The following NME9 variants were observed in gnomAD, a reference collection of about 807,000 sequenced individuals.
The protein encoded by NME9 is NME/NM23 family member 9.
A neutral mutation model predicts 44.4 loss-of-function variants in NME9; 48 were observed. The observed-to-expected ratio is 1.08, with a 90% CI of 0.86 to 1.37. The LOEUF (loss-of-function observed/expected upper bound fraction) is 1.37, where lower values mean the gene tolerates loss of function less well. Among genes scored for constraint, NME9 ranks in the 40% most tolerant of loss-of-function variants. The pLI is 0.00. For missense variants in NME9, 325 were observed against 405.2 expected (o/e 0.80, Z 1.70); for synonymous variants, 139 against 147.1 (o/e 0.94, Z 0.40).
chr3:138,308,017 G>GA (rs2052403237), intron 6 of NME9, among the ~76,000 whole-genome samples: 1 of 152,160 alleles, frequency 6.6e-6, no homozygotes. Context: ...GTGGACAAAG[G>GA]AAGCTTGGCT....
chr3:138,288,598 C>T (rs577101111), intron 8 of NME9, among the ~76,000 whole-genome samples: 9 of 152,138 alleles, frequency 5.9e-5, no homozygotes, highest in Non-Finnish European at 8.8e-5. Flanking sequence ...ACTTCATGGC[C>T]CCTCAAGACA....
intron 2 of NME9, among the ~76,000 whole-genome samples, chr3:138,321,223 G>A (rs1223067794): frequency 6.6e-6 from 1 of 152,170 alleles, no homozygotes; most frequent in Non-Finnish European, 1.5e-5. Context: ...CTGCTATAAT[G>A]GGACACTACA....
At chr3:138,295,724 C>T (rs2051423973) in intron 8 of NME9, 1 of 835,988 alleles carries the variant, frequency 1.2e-6, no homozygotes, top group Admixed American at 2.5e-5. Context: ...AAGGTAGGTG[C>T]CCACCTGGGC....
chr3:138,288,937 C>A, intron 8 of NME9: 1 of 831,426 alleles, frequency 1.2e-6, no homozygotes, highest in Non-Finnish European at 1.9e-6. Context: ...TCACCTGGCC[C>A]TGCTTCAGAC....
chr3:138,298,236 T>A (rs1223668886), downstream of NME9: 1 of 152,246 alleles, frequency 6.6e-6, no homozygotes, highest in Non-Finnish European at 1.5e-5. Flanking sequence ...CCAAAATTTA[T>A]GAACTAGAAA....
chr3:138,303,562 C>T lies in NME9; in HGVS notation c.873G>A (p.Leu291=). 1 of 1,613,632 alleles carries T rather than the reference C, an allele frequency of 6.2e-7. No homozygotes were observed. Among genetic ancestry groups the T allele is most frequent in the Non-Finnish European group, 8.5e-7 (1 of 1,179,496 alleles). The part of the protein sequence containing the change: ...SRDREDADRE[L]ALLFPSLKFS... ...ATTTCAAACTGGGGAAGAGCAATGC[C>T]AGTTCTCTGTCAGCATCTTCTCTGT... is the stretch of plus-strand genomic sequence containing the variant. The change falls in exon 10 of 11, where the codon CTG becomes CTA. Residue 291 remains leucine (L), a synonymous_variant. Coordinates refer to ENST00000333911, the MANE Select transcript of NME9 (RefSeq NM_001349018.2).
chr3:138,295,219 C>T (rs1053568103), intron 8 of NME9, among the ~76,000 whole-genome samples: 1 of 152,094 alleles, frequency 6.6e-6, no homozygotes, highest in Non-Finnish European at 1.5e-5. Flanking sequence ...CTTTTCCTTT[C>T]CACCTGGCCA....
At chr3:138,315,724 G>C in intron 4 of NME9, 81 bp from the exon 5 acceptor site, 1 of 1,153,628 alleles carries the variant, frequency 8.7e-7, no homozygotes, top group South Asian at 1.4e-5. Context: ...GTCTAGGAGT[G>C]TCCCCAAGTT....
At chr3:138,323,260 A>G (rs964752434) in intron 2 of NME9, among the ~76,000 whole-genome samples, 1 of 152,222 alleles carries the variant, frequency 6.6e-6, no homozygotes, top group African/African-American at 2.4e-5. Context: ...TACTGAAAAT[A>G]CAAAAATTAG....
intron 8 of NME9, among the ~76,000 whole-genome samples, chr3:138,288,280 G>A (rs570709705): frequency 2.0e-5 from 3 of 152,290 alleles, no homozygotes; most frequent in South Asian, 2.1e-4. Flanking sequence ...ATTTGAATAA[G>A]ATAACCAGTA....
rs762109184 is a variant in NME9 at position 138,270,061 on chromosome 3, G to A, written c.746-7475C>T. 3.4e-5 allele frequency: 55 copies of A among 1,613,086 alleles called. No individual in the cohort carries two copies. In the Admixed American group the frequency reaches 5.7e-4, roughly 17 times the overall value. On this transcript the variant is annotated intron_variant, in intron 8 of 8. Coordinates refer to the NME9 transcript ENST00000317876. ...GCAGCCAATTTTGGAATCAGGAGCC[G>A]TAGAGCTACTTTGTGGATTAACTCA...
intron 6 of NME9, 108 bp from the exon 7 acceptor site, chr3:138,306,588 G>A: frequency 1.4e-6 from 1 of 691,838 alleles, no homozygotes; most frequent in East Asian, 2.6e-5. Context: ...CCAAGTGCCA[G>A]GCACAGGCTT....
At chr3:138,272,929 T>C in intron 8 of NME9, 3 of 1,435,716 alleles carry the variant, frequency 2.1e-6, no homozygotes, top group Non-Finnish European at 2.8e-6. Flanking sequence ...ATAAAGTAAA[T>C]GTAGACATGA....
chr3:138,273,227 G>A lies in NME9; in HGVS notation c.746-10641C>T. 2.6e-6 allele frequency: 3 copies of A among 1,137,922 alleles called. No individual in the cohort carries two copies. The South Asian group carries it at 5.7e-5, about 21-fold the overall frequency. The allele number at this position is 1,137,922 out of a possible 1,614,324, so 70.5% of individuals were successfully genotyped here. The stretch of plus-strand genomic sequence containing the variant: ...ATCTGCCCATGAGTGTGATTCAAAT[G>A]CTGCCCCCTTCCAAAGAAACAAGGA... On this transcript the variant is annotated intron_variant, in intron 8 of 8. Transcript: ENST00000317876.
At chr3:138,275,487 A>C (rs2049195050) in intron 8 of NME9, among the ~76,000 whole-genome samples, 1 of 152,116 alleles carries the variant, frequency 6.6e-6, no homozygotes, top group African/African-American at 2.4e-5. Context: ...TGAACCTGGG[A>C]GGTGGAGCTT....
chr3:138,306,940 A>G (rs2108435615), intron 6 of NME9, among the ~76,000 whole-genome samples: 1 of 152,310 alleles, frequency 6.6e-6, no homozygotes, highest in South Asian at 2.1e-4. Context: ...CATGATTCCC[A>G]GCACTCTACC....
At chr3:138,308,181 C>G (rs1006252192) in intron 6 of NME9, among the ~76,000 whole-genome samples, 1 of 152,182 alleles carries the variant, frequency 6.6e-6, no homozygotes, top group African/African-American at 2.4e-5. Flanking sequence ...GAATCACAAT[C>G]ACTGATTTTC....
At chr3:138,274,227 A>G (rs1024220321) in intron 8 of NME9, among the ~76,000 whole-genome samples, 6 of 144,232 alleles carry the variant, frequency 4.2e-5, no homozygotes, top group African/African-American at 1.8e-4. Context: ...TGTAATGTGT[A>G]TATACATGTG....
intron 6 of NME9, among the ~76,000 whole-genome samples, chr3:138,313,082 A>G (rs2052810559): frequency 6.6e-6 from 1 of 152,178 alleles, no homozygotes; most frequent in South Asian, 2.1e-4. Flanking sequence ...CCCAGTTAGA[A>G]TGGGGACTAT....
Sources: gnomAD v4.1 joint callset for allele counts (sites outside exome capture counted in the v4.1 genomes callset) on GRCh38, gnomAD v4.1.1 for gene constraint, MANE v1.5 for transcripts, NCBI Gene and HGNC (gene_info 2026-07-23, HGNC 2026-07-21) for gene names.